MARCHF1: variants seen among roughly 807,000 people sequenced by gnomAD.
The protein encoded by MARCHF1 is membrane associated ring-CH-type finger 1, also known as E3 ubiquitin-protein ligase MARCHF1.
MARCHF1 carries 40 observed loss-of-function variants against 54.2 expected under a neutral mutation model. That is an observed-to-expected ratio of 0.74 (90% CI 0.57 to 0.96). The LOEUF (loss-of-function observed/expected upper bound fraction) is 0.96. MARCHF1 is among the 40% of genes least tolerant of loss of function. The pLI is 0.00. For synonymous variants in MARCHF1, 236 were observed against 236.3 expected, an observed-to-expected ratio of 1.00 and a Z score of 0.01; for missense variants, 586 against 656.5, an observed-to-expected ratio of 0.89 and a Z score of 1.17.
intron 5 of MARCHF1, among the ~76,000 whole-genome samples, chr4:163,618,149 C>G (rs1344943274): frequency 6.6e-6 from 1 of 152,116 alleles, no homozygotes; most frequent in Non-Finnish European, 1.5e-5. Context: ...ATCAAATATT[C>G]ATTTGTACAT....
intron 2 of MARCHF1, among the ~76,000 whole-genome samples, chr4:164,086,887 C>T (rs1755203658): frequency 6.6e-6 from 1 of 151,966 alleles, no homozygotes; most frequent in Non-Finnish European, 1.5e-5. Flanking sequence ...AATATTATAA[C>T]AATAATTTCA....
At chr4:164,278,367 T>A (rs1733939423) in intron 1 of MARCHF1, among the ~76,000 whole-genome samples, 1 of 152,096 alleles carries the variant, frequency 6.6e-6, no homozygotes, top group Non-Finnish European at 1.5e-5. Context: ...CTGTCAAAGA[T>A]AAGAAAAATT....
At chr4:163,649,350 CAATGA>C (rs1223557402) in intron 5 of MARCHF1, among the ~76,000 whole-genome samples, 2 of 151,894 alleles carry the variant, frequency 1.3e-5, no homozygotes, top group Non-Finnish European at 2.9e-5. Context: ...CCTAATGGTA[CAATGA>C]AAGAGCAATT....
intron 2 of MARCHF1, among the ~76,000 whole-genome samples, chr4:164,018,504 T>A (rs946323950): frequency 2.6e-5 from 4 of 152,012 alleles, no homozygotes; most frequent in African/African-American, 9.7e-5. Flanking sequence ...GACAATCTAA[T>A]ATAAAATTGG....
At chr4:163,651,300 A>G (rs1472562891) in intron 5 of MARCHF1, among the ~76,000 whole-genome samples, 2 of 151,902 alleles carry the variant, frequency 1.3e-5, no homozygotes, top group Non-Finnish European at 2.9e-5. Flanking sequence ...TTCTCTTAGA[A>G]CATGCAAACA....
chr4:163,558,945 A>G (rs1228260772), intron 8 of MARCHF1, among the ~76,000 whole-genome samples: 2 of 152,330 alleles, frequency 1.3e-5, no homozygotes, highest in East Asian at 3.9e-4. Context: ...AGATACATTT[A>G]TAACTGCATC....
intron 4 of MARCHF1, among the ~76,000 whole-genome samples, chr4:163,818,282 C>A (rs13129068): frequency 0.88 from 133,888 of 151,812 alleles, 59,756 homozygotes; most frequent in South Asian, 0.98. Context: ...TTTAAGTTCC[C>A]GGGTATACCT....
In MARCHF1 at chr4:164,313,614, T is replaced by C. The variant is rs553326197; in HGVS notation, c.-323+70256A>G. 1.4e-3 allele frequency among the ~76,000 whole-genome samples: 209 copies of C among 152,182 alleles called. 1 individual carries two copies. The highest frequency in any genetic ancestry group is 2.1e-3 in the Non-Finnish European group (140 of 68,000). On this transcript the variant is annotated intron_variant, in intron 1 of 9. Transcript: ENST00000514618. ...CCAGCTTCCTCTTTCTCTTCTTTCT[T>C]CCTCCCTAAATAACAATATTAGCAG...
chr4:163,868,348 A>G (rs1234483101), intron 3 of MARCHF1, among the ~76,000 whole-genome samples: 1 of 151,994 alleles, frequency 6.6e-6, no homozygotes, highest in African/African-American at 2.4e-5. Context: ...TAAAAGGAAA[A>G]TCATACAGAG....
At chr4:163,659,167 G>A (rs1428534870) in intron 5 of MARCHF1, among the ~76,000 whole-genome samples, 1 of 151,722 alleles carries the variant, frequency 6.6e-6, no homozygotes, top group Non-Finnish European at 1.5e-5. Flanking sequence ...CATTTCTCTA[G>A]TCTAGATTTT....
intron 4 of MARCHF1, among the ~76,000 whole-genome samples, chr4:163,751,133 TTGTG>T (rs70948664): frequency 0.12 from 17,036 of 147,138 alleles, 1,411 homozygotes; most frequent in East Asian, 0.36. Context: ...TATTACCACT[TTGTG>T]TGTGTGTGTG....
intron 3 of MARCHF1, among the ~76,000 whole-genome samples, chr4:163,921,029 A>G (rs12640506): frequency 6.6e-6 from 1 of 152,040 alleles, no homozygotes; most frequent in Non-Finnish European, 1.5e-5. Flanking sequence ...TTTGAGAGAT[A>G]TAGCAGGTTC....
intron 4 of MARCHF1, among the ~76,000 whole-genome samples, chr4:163,756,893 A>T (rs543058221): frequency 7.9e-5 from 12 of 152,242 alleles, no homozygotes; most frequent in African/African-American, 2.6e-4. Context: ...GAAAGCCAGG[A>T]TATGAGAAAA....
chr4:163,927,922 A>G (rs927947934), intron 3 of MARCHF1, among the ~76,000 whole-genome samples: 4 of 151,920 alleles, frequency 2.6e-5, no homozygotes, highest in Admixed American at 2.0e-4. Flanking sequence ...TCTCTCTTCC[A>G]AATGAAGTAT....
At chr4:164,239,828 T>C (rs1732675459) in intron 1 of MARCHF1, among the ~76,000 whole-genome samples, 1 of 152,162 alleles carries the variant, frequency 6.6e-6, no homozygotes, top group Admixed American at 6.5e-5. Flanking sequence ...TCCTCAGCAA[T>C]TTTACAGAAC....
intron 3 of MARCHF1, among the ~76,000 whole-genome samples, chr4:163,914,739 T>G (rs1037855712): frequency 1.3e-5 from 2 of 152,132 alleles, no homozygotes; most frequent in African/African-American, 4.8e-5. Flanking sequence ...AAATGATAAG[T>G]GTCTAAAGCT....
intron 1 of MARCHF1, among the ~76,000 whole-genome samples, chr4:164,344,980 C>A (rs144668222): frequency 6.6e-6 from 1 of 152,150 alleles, no homozygotes; most frequent in African/African-American, 2.4e-5. Flanking sequence ...AAATATTTCA[C>A]ACATGCTAAG....
chr4:164,240,146 C>T (rs1732695701), intron 1 of MARCHF1, among the ~76,000 whole-genome samples: 1 of 152,236 alleles, frequency 6.6e-6, no homozygotes, highest in Non-Finnish European at 1.5e-5. Context: ...ACCTGGATTC[C>T]AGTTCTAATG....
intron 7 of MARCHF1, among the ~76,000 whole-genome samples, chr4:163,589,420 A>G (rs938936081): frequency 1.3e-5 from 2 of 152,066 alleles, no homozygotes; most frequent in African/African-American, 2.4e-5. Context: ...TTTCATTCCC[A>G]TTTCACATGA....
Sources: allele counts gnomAD v4.1 joint callset (sites outside exome capture counted in the v4.1 genomes callset), GRCh38; gene constraint gnomAD v4.1.1; transcripts MANE v1.5; gene names NCBI Gene and HGNC (gene_info 2026-07-23, HGNC 2026-07-21).